CASZ1: variants seen among roughly 807,000 people sequenced by gnomAD.
CASZ1 encodes the protein zinc finger protein castor homolog 1.
In CASZ1, 28 loss-of-function variants were observed where a neutral mutation model predicts 135.2. That is an observed-to-expected ratio of 0.21 (90% CI 0.15 to 0.28). The LOEUF is 0.28. Ranked by LOEUF, CASZ1 falls within the 10% of genes least tolerant of loss-of-function variation. The probability of loss-of-function intolerance (pLI) is 1.00; values close to 1 mark genes in which losing one functional copy is unlikely to be tolerated. For missense variants in CASZ1, 2,161 were observed against 2,453.3 expected (o/e 0.88, Z 2.52); for synonymous variants, 1,068 against 1,073.4 (o/e 0.99, Z 0.10).
Position 10,707,890 on chromosome 1 carries a change from C to T in CASZ1, c.-76-2346G>A, listed in dbSNP as rs1377590726. Among the ~76,000 whole-genome samples, 1 of 152,126 alleles carries T rather than the reference C, an allele frequency of 6.6e-6. No homozygotes were observed. Among genetic ancestry groups the T allele is most frequent in the South Asian group, 2.1e-4 (1 of 4,822 alleles). On this transcript the variant is annotated intron_variant, in intron 2 of 20. Transcript: ENST00000377022. The surrounding 1 kb of genome is among the most constrained non-coding windows in gnomAD (Gnocchi z 5.0). Reference sequence around the variant, plus strand: ...CCAAGGCCGGGGGAGAGGCACAGTACTGGGAAGACCCAGAGGACAGCAGGG... The same window carrying T: ...CCAAGGCCGGGGGAGAGGCACAGTATTGGGAAGACCCAGAGGACAGCAGGG...
chr1:10,656,122 T>A (rs1350031525), intron 8 of CASZ1, among the ~76,000 whole-genome samples: 3 of 152,226 alleles, frequency 2.0e-5, no homozygotes, highest in African/African-American at 7.2e-5. Context: ...TGCTGACAGC[T>A]CATCCCGCCC....
At position 10,645,792 on chromosome 1, in the gene CASZ1, T is replaced by C. The variant is rs371494601; in HGVS notation, c.3696+336A>G. ...GACTTTCCTGTGTGGGCACGGACAA[T>C]GGGCCTGTTCGAAAATTCTAGGGCT... On this transcript the variant is annotated intron_variant, in intron 17 of 20. Transcript: ENST00000377022. Among the ~76,000 whole-genome samples the C allele has an allele frequency of 3.3e-5, 5 of 152,148 alleles. No homozygotes were observed. The East Asian group carries it at 7.7e-4, about 23-fold the overall frequency.
In CASZ1 at chr1:10,756,724, C is replaced by T. The variant is rs1013852702; in HGVS notation, c.-77+3977G>A. On this transcript the variant is annotated intron_variant, in intron 2 of 20. Transcript: ENST00000377022. This position sits in a 1 kb window ranked among gnomAD's most constrained non-coding sequence, Gnocchi z 5.9. The stretch of plus-strand genomic sequence containing the variant: ...GGGCAATTCACACCTTTGTGTGTGG[C>T]GACACTATTAGGATCCCTGCCGATG... 2.0e-5 allele frequency among the ~76,000 whole-genome samples: 3 copies of T among 152,124 alleles called. No individual in the cohort carries two copies. Among genetic ancestry groups the T allele is most frequent in the African/African-American group, 7.2e-5 (3 of 41,410 alleles).
chr1:10,678,494 C>T lies in CASZ1; in HGVS notation c.17-12923G>A, dbSNP rs537582211. ...CACAGGGCCGGGGCAGCACCGCCCC[C>T]GCGAGGGGGCCCGAGGCCGGGGCTG... On this transcript the variant is annotated intron_variant, in intron 4 of 20. Coordinates refer to ENST00000377022, the MANE Select transcript of CASZ1 (RefSeq NM_001079843.3). 9.4e-4 allele frequency among the ~76,000 whole-genome samples: 119 copies of T among 126,778 alleles called. 1 individual carries two copies. The East Asian group carries it at 0.019, about 21-fold the overall frequency. The allele number at this position is 126,778 out of a possible 152,430, so 83.2% of individuals were successfully genotyped here.
In CASZ1 at chr1:10,779,600, G is replaced by A. The variant is rs76129199; in HGVS notation, c.-234+16964C>T. ...GTTGTGAAATAAAAAACAAATCACC[G>A]TAGTCCCACCACCCTAACGCTATAA... On this transcript the variant is annotated intron_variant, in intron 1 of 20. Coordinates refer to ENST00000377022, the MANE Select transcript of CASZ1 (RefSeq NM_001079843.3). 4.5e-3 allele frequency among the ~76,000 whole-genome samples: 681 copies of A among 152,260 alleles called. 6 individuals carry two copies. The highest frequency in any genetic ancestry group is 0.015 in the African/African-American group (622 of 41,552).
In CASZ1 at chr1:10,726,079, G is replaced by A. The variant is rs1001125571; in HGVS notation, c.-76-20535C>T. On this transcript the variant is annotated intron_variant, in intron 2 of 20. Transcript: ENST00000377022. The surrounding 1 kb of genome is among the most constrained non-coding windows in gnomAD (Gnocchi z 5.7). ...TCATTGATGCCTCCAACCACCTATGGGGCAGGGCCTATACTATCACCACCA... is the reference window on the plus strand; with the variant it reads ...TCATTGATGCCTCCAACCACCTATGAGGCAGGGCCTATACTATCACCACCA... 2.0e-5 allele frequency among the ~76,000 whole-genome samples: 3 copies of A among 152,086 alleles called. No homozygotes were observed. Among genetic ancestry groups the A allele is most frequent in the Non-Finnish European group, 2.9e-5 (2 of 68,004 alleles).
At position 10,660,215 on chromosome 1, in the gene CASZ1, A is replaced by G. The variant is rs774543841; in HGVS notation, c.827T>C (p.Leu276Pro). The G allele has an allele frequency of 6.2e-7, 1 of 1,612,928 alleles. No individual in the cohort carries two copies. Among genetic ancestry groups the G allele is most frequent in the Non-Finnish European group, 8.5e-7 (1 of 1,179,766 alleles). Residue 276 changes from leucine to proline, a missense_variant, in exon 6 of 21, where the codon CTG becomes CCG. Coordinates refer to ENST00000377022, the MANE Select transcript of CASZ1 (RefSeq NM_001079843.3). ...GTGGGCCGTGCTGCTGGGCAGCCGC[A>G]GGCCGGGCAGGGTGCCCACCACCTC... ...GKEVVGTLPG[L>P]RLPSSTAHLE...
Position 10,741,975 on chromosome 1 carries a change from C to T in CASZ1, c.-77+18726G>A, listed in dbSNP as rs1204819463. 6.6e-6 allele frequency among the ~76,000 whole-genome samples: 1 copy of T among 152,098 alleles called. No individual in the cohort carries two copies. Among genetic ancestry groups the T allele is most frequent in the Non-Finnish European group, 1.5e-5 (1 of 68,024 alleles). On this transcript the variant is annotated intron_variant, in intron 2 of 20. Coordinates refer to ENST00000377022, the MANE Select transcript of CASZ1 (RefSeq NM_001079843.3). This position sits in a 1 kb window ranked among gnomAD's most constrained non-coding sequence, Gnocchi z 5.0. ...CCCAGCAAGCGCCGAGACACGGACCCCTCACCGCTTCTCACGTGCCCCCAG... is the reference window on the plus strand; with the variant it reads ...CCCAGCAAGCGCCGAGACACGGACCTCTCACCGCTTCTCACGTGCCCCCAG...
At position 10,659,844 on chromosome 1, in the gene CASZ1, G is replaced by T; in HGVS notation, c.1198C>A (p.Leu400Ile). The change falls in exon 6 of 21, where the codon CTC (leucine) becomes ATC (isoleucine). Residue 400 changes from leucine (L) to isoleucine (I), a missense_variant. By Grantham distance (5) the Leu-to-Ile change is conservative. Transcript: ENST00000377022. ...CTGGGGGCACTGGGCACGCTGGCGA[G>T]GGGTGCGGGAGCCAGGCTGGGGGTG... Reference protein sequence around the residue: ...PPTPSLAPAPLASVPSAPSAP... With the variant: ...PPTPSLAPAPIASVPSAPSAP... The T allele has an allele frequency of 6.2e-7, 1 of 1,612,582 alleles. No homozygotes were observed.
intron 1 of CASZ1, among the ~76,000 whole-genome samples, chr1:10,778,109 A>C (rs1640694308): frequency 6.6e-6 from 1 of 152,044 alleles, no homozygotes; most frequent in Non-Finnish European, 1.5e-5. Flanking sequence ...ACAATCTCAC[A>C]ATCACAATTT....
In CASZ1 at chr1:10,672,463, G is replaced by A. The variant is rs555809388; in HGVS notation, c.17-6892C>T. Among the ~76,000 whole-genome samples, 90 of 148,310 alleles carry A rather than the reference G, an allele frequency of 6.1e-4. 4 individuals carry two copies. In the South Asian group the frequency reaches 0.019, roughly 31 times the overall value. On this transcript the variant is annotated intron_variant, in intron 4 of 20. Transcript: ENST00000377022. ...ACAGTGATCCTTCACTCGCCAGCCC[G>A]CGCTCCAGCCCTCCGCCCGCCGGCC...
intron 5 of CASZ1, among the ~76,000 whole-genome samples, chr1:10,662,717 TCATA>T (rs1186892741): frequency 2.0e-5 from 3 of 151,684 alleles, no homozygotes; most frequent in South Asian, 2.1e-4. Flanking sequence ...ACACACACAC[TCATA>T]CAGACTCACA....
At chr1:10,740,356 C>T (rs1423420888) in intron 2 of CASZ1, among the ~76,000 whole-genome samples, 5 of 152,234 alleles carry the variant, frequency 3.3e-5, no homozygotes, top group Non-Finnish European at 7.3e-5. Context: ...AATCCATGCG[C>T]CCCAGCCCGG....
Position 10,645,108 on chromosome 1 carries a change from G to A in CASZ1, c.3697-20C>T, listed in dbSNP as rs754517235. 3 of 1,610,068 alleles carry A rather than the reference G, an allele frequency of 1.9e-6. No homozygotes were observed. The highest frequency in any genetic ancestry group is 4.5e-5 in the East Asian group (2 of 44,862). Reference sequence around the variant, plus strand: ...GCAGTGCTGCAGGGAGACACGGGAGGGTCAGGACAGGCGGGTGACTTTCAA... The same window carrying A: ...GCAGTGCTGCAGGGAGACACGGGAGAGTCAGGACAGGCGGGTGACTTTCAA... On this transcript the variant is annotated intron_variant, in intron 17 of 20. Coordinates refer to ENST00000377022, the MANE Select transcript of CASZ1 (RefSeq NM_001079843.3).
At chr1:10,781,316 C>A (rs1640758874) in intron 1 of CASZ1, among the ~76,000 whole-genome samples, 1 of 152,232 alleles carries the variant, frequency 6.6e-6, no homozygotes, top group East Asian at 1.9e-4. Context: ...TGGCAGCTAC[C>A]CTCTGGGAAC....
intron 1 of CASZ1, among the ~76,000 whole-genome samples, chr1:10,770,447 G>A (rs1463119922): frequency 6.6e-6 from 1 of 152,128 alleles, no homozygotes; most frequent in Non-Finnish European, 1.5e-5. Flanking sequence ...TTGTAATCAA[G>A]GAGAAAAAAT....
intron 8 of CASZ1, among the ~76,000 whole-genome samples, chr1:10,656,222 C>T (rs1642791983): frequency 6.6e-6 from 1 of 152,232 alleles, no homozygotes; most frequent in Non-Finnish European, 1.5e-5. Context: ...CCCCCACTCA[C>T]CAGCCCCGCG....
intron 2 of CASZ1, among the ~76,000 whole-genome samples, chr1:10,754,938 C>T (rs188319928): frequency 5.9e-5 from 9 of 152,360 alleles, no homozygotes; most frequent in African/African-American, 1.9e-4. Context: ...TGTTTAATTA[C>T]ACCTTTCCTC....
chr1:10,785,071 C>G (rs1016427153), intron 1 of CASZ1, among the ~76,000 whole-genome samples: 7 of 78,008 alleles, frequency 9.0e-5, no homozygotes, highest in African/African-American at 2.4e-4. Flanking sequence ...CTCTCTCTCT[C>G]TCCCTCCTTC....
Sources: gnomAD v4.1 joint callset for allele counts (sites outside exome capture counted in the v4.1 genomes callset) on GRCh38, gnomAD v4.1.1 for gene constraint, Gnocchi (gnomAD v3.1) non-coding constraint, MANE v1.5 for transcripts, NCBI Gene and HGNC (gene_info 2026-07-23, HGNC 2026-07-21) for gene names.